The following DNAJC5B variants were observed in gnomAD, a reference collection of about 807,000 sequenced individuals.
DNAJC5B encodes the protein dnaJ homolog subfamily C member 5B.
Under a neutral mutation model 24.7 loss-of-function variants are expected in DNAJC5B, and 23 were observed. The ratio of observed to expected loss-of-function variants is 0.93; its 90% CI spans 0.67 to 1.32. The LOEUF (loss-of-function observed/expected upper bound fraction) is 1.32, where lower values mean the gene tolerates loss of function less well. Ranked by LOEUF, DNAJC5B falls within the 40% of genes most tolerant of loss-of-function variation. The pLI is 0.00. For synonymous variants in DNAJC5B, 101 were observed against 90.1 expected, an observed-to-expected ratio of 1.12 and a Z score of -0.68; for missense variants, 238 against 240.8, an observed-to-expected ratio of 0.99 and a Z score of 0.08.
intron 5 of DNAJC5B, among the ~76,000 whole-genome samples, chr8:66,098,884 A>G (rs551914499): frequency 1.3e-5 from 2 of 152,242 alleles, no homozygotes; most frequent in African/African-American, 4.8e-5. Flanking sequence ...TGTGTCTGAT[A>G]AAAGCAGTTA....
At chr8:66,053,998 G>A (rs1438949269) in intron 3 of DNAJC5B, among the ~76,000 whole-genome samples, 1 of 148,980 alleles carries the variant, frequency 6.7e-6, no homozygotes, top group East Asian at 2.0e-4. Context: ...TAAATAGCCT[G>A]ATTTTTAATG....
chr8:66,101,084 T>G lies in DNAJC5B; in HGVS notation c.*1053T>G, dbSNP rs1808063992. Among the ~76,000 whole-genome samples, 2 of 152,192 alleles carry G rather than the reference T, an allele frequency of 1.3e-5. No homozygotes were observed. The highest frequency in any genetic ancestry group is 2.9e-5 in the Non-Finnish European group (2 of 68,022). ...TATATAATATTGCATTTTCAAGATC[T>G]TGTTATGTTTTTATATAATATTGTA... On this transcript the variant is annotated 3_prime_UTR_variant, in exon 6 of 6. Transcript: ENST00000276570.
chr8:66,073,034 G>A (rs1306025186), intron 3 of DNAJC5B, among the ~76,000 whole-genome samples: 5 of 152,196 alleles, frequency 3.3e-5, no homozygotes, highest in Middle Eastern at 3.4e-3. Context: ...TCTTAGCCAA[G>A]GCAGTACAAT....
intron 5 of DNAJC5B, among the ~76,000 whole-genome samples, chr8:66,098,735 A>G (rs1286859724): frequency 6.6e-6 from 1 of 151,906 alleles, no homozygotes; most frequent in African/African-American, 2.4e-5. Context: ...TACTTCACTA[A>G]TTCTTTCTTT....
rs1168037672 is a variant in DNAJC5B at position 66,100,012 on chromosome 8, G to A, written c.581G>A (p.Ser194Asn). 4 of 1,613,932 alleles carry A rather than the reference G, an allele frequency of 2.5e-6. No individual in the cohort carries two copies. Among genetic ancestry groups the A allele is most frequent in the Admixed American group, 3.3e-5 (2 of 60,006 alleles). ...KTQLIKEGSR[S>N]YCTDS ...CAGCTAATCAAAGAAGGATCTCGAAGTTATTGCACAGACTCTTGATATTGA... is the reference window on the plus strand; with the variant it reads ...CAGCTAATCAAAGAAGGATCTCGAAATTATTGCACAGACTCTTGATATTGA... Residue 194 changes from serine (S) to asparagine (N), a missense_variant, in exon 6 of 6, where the codon AGT (serine) becomes AAT (asparagine). Transcript: ENST00000276570.
intron 3 of DNAJC5B, among the ~76,000 whole-genome samples, chr8:66,069,247 A>G (rs1189625917): frequency 6.6e-6 from 1 of 152,034 alleles, no homozygotes; most frequent in Admixed American, 6.6e-5. Flanking sequence ...AAATAAATAT[A>G]GACCAAATGC....
chr8:66,042,593 CTT>C (rs1216950759), intron 1 of DNAJC5B, among the ~76,000 whole-genome samples: 13 of 122,482 alleles, frequency 1.1e-4, no homozygotes, highest in Non-Finnish European at 1.4e-4. Context: ...TCTTCTTCTT[CTT>C]CCTCTTCTTC....
chr8:66,018,383 TGGG>T (rs71713232), upstream of DNAJC5B, among the ~76,000 whole-genome samples: 1 of 150,618 alleles, frequency 6.6e-6, no homozygotes, highest in Non-Finnish European at 1.5e-5. Flanking sequence ...CTGGGCGTGG[TGGG>T]GGGGGTGCCT....
intron 1 of DNAJC5B, among the ~76,000 whole-genome samples, chr8:66,042,686 C>T (rs1224771282): frequency 7.4e-6 from 1 of 136,016 alleles, no homozygotes; most frequent in Admixed American, 7.4e-5. Flanking sequence ...TCCCTCTTCC[C>T]TCCTCTCTCC....
At chr8:66,050,085 T>C (rs1480661167) in intron 2 of DNAJC5B, among the ~76,000 whole-genome samples, 1 of 152,254 alleles carries the variant, frequency 6.6e-6, no homozygotes. Flanking sequence ...TCTTAGTTTA[T>C]CACTATTATT....
chr8:66,088,550 T>C (rs1273017502), intron 5 of DNAJC5B, among the ~76,000 whole-genome samples: 4 of 152,196 alleles, frequency 2.6e-5, no homozygotes, highest in Non-Finnish European at 5.9e-5. Flanking sequence ...ATGCTCTGCT[T>C]GCCTTTTAAA....
At chr8:66,023,117 C>T (rs760171835) in intron 1 of DNAJC5B, among the ~76,000 whole-genome samples, 3 of 152,176 alleles carry the variant, frequency 2.0e-5, no homozygotes, top group Non-Finnish European at 2.9e-5. Flanking sequence ...GCTTCGTTTC[C>T]AGGAGAAACC....
chr8:66,062,157 T>C (rs78785246), intron 3 of DNAJC5B, among the ~76,000 whole-genome samples: 2,802 of 152,350 alleles, frequency 0.018, 79 homozygotes, highest in African/African-American at 0.063. Context: ...TAGTATTTGC[T>C]GAATGCAAAA....
At chr8:66,023,572 T>A (rs533417692) in intron 1 of DNAJC5B, among the ~76,000 whole-genome samples, 115 of 152,350 alleles carry the variant, frequency 7.5e-4, no homozygotes, top group African/African-American at 2.7e-3. Flanking sequence ...ATATACGGTC[T>A]TCCTGTGGCC....
chr8:66,029,081 A>G (rs540230239), intron 1 of DNAJC5B, among the ~76,000 whole-genome samples: 1 of 152,190 alleles, frequency 6.6e-6, no homozygotes, highest in East Asian at 1.9e-4. Flanking sequence ...AGCTTTTCTG[A>G]TAGTTGAACT....
chr8:66,073,915 T>A (rs1001409204), intron 3 of DNAJC5B, among the ~76,000 whole-genome samples: 3 of 152,154 alleles, frequency 2.0e-5, no homozygotes, highest in Admixed American at 2.0e-4. Context: ...TCTTCCTGAA[T>A]TGAGGAACAA....
At chr8:66,063,001 C>A (rs1209713274) in intron 3 of DNAJC5B, among the ~76,000 whole-genome samples, 1 of 152,142 alleles carries the variant, frequency 6.6e-6, no homozygotes, top group Non-Finnish European at 1.5e-5. Context: ...CAGAGTGAGA[C>A]CCTGACTCTA....
chr8:66,099,036 T>TCACACACACACA (rs34531773), intron 5 of DNAJC5B, among the ~76,000 whole-genome samples: 41 of 146,238 alleles, frequency 2.8e-4, no homozygotes, highest in African/African-American at 9.5e-4. Context: ...TCTCTCTCTG[T>TCACACACACACA]CACACACACA....
intron 5 of DNAJC5B, among the ~76,000 whole-genome samples, chr8:66,087,754 G>A (rs1294896083): frequency 7.9e-5 from 12 of 152,172 alleles, no homozygotes. Context: ...TTGATTTTAT[G>A]TCTCATATCT....
Sources: gnomAD v4.1 joint callset for allele counts (sites outside exome capture counted in the v4.1 genomes callset) on GRCh38, gnomAD v4.1.1 for gene constraint, MANE v1.5 for transcripts, NCBI Gene and HGNC (gene_info 2026-07-23, HGNC 2026-07-21) for gene names.